The following LPAR4 variants were observed in gnomAD, a reference collection of about 807,000 sequenced individuals.
LPAR4 encodes lysophosphatidic acid receptor 4.
Under a neutral mutation model 9.2 loss-of-function variants are expected in LPAR4, and 14 were observed. That is an observed-to-expected ratio of 1.51 (90% CI 1.00 to 2.37). The LOEUF (loss-of-function observed/expected upper bound fraction) is 2.37. LPAR4 is among the 30% of genes most tolerant of loss of function. The probability of loss-of-function intolerance (pLI) is 0.00; values close to 1 mark genes in which losing one functional copy is unlikely to be tolerated. For missense variants in LPAR4, 251 were observed against 272.1 expected (o/e 0.92, Z 0.55); for synonymous variants, 131 against 97.9 (o/e 1.34, Z -1.99).
At chrX:78,750,477 G>T (rs1460035708) in intron 2 of LPAR4, among the ~76,000 whole-genome samples, 1 of 111,464 alleles carries the variant, frequency 9.0e-6, no homozygotes, top group Admixed American at 9.5e-5. Flanking sequence ...CCATCGCAGA[G>T]TATTTCTGGT....
In LPAR4 at chrX:78,755,378, G is replaced by T; in HGVS notation, c.509G>T (p.Gly170Val). The change falls in exon 5 of 5, where the codon GGT (glycine) becomes GTT (valine). Residue 170 changes from glycine (G) to valine (V), a missense_variant. Transcript: ENST00000614823. ...GTCTGGATCCTAGTCCTCAGTGGCG[G>T]TATTTCAGCCTCTTTGTTTTCCACC... Reference protein sequence around the residue: ...AGVWILVLSGGISASLFSTTN... With the variant: ...AGVWILVLSGVISASLFSTTN... The T allele has an allele frequency of 8.3e-7, 1 of 1,210,600 alleles. No individual in the cohort carries two copies. Among genetic ancestry groups the T allele is most frequent in the Middle Eastern group, 2.3e-4 (1 of 4,350 alleles).
At chrX:78,753,397 T>A (rs976936647) in intron 4 of LPAR4, among the ~76,000 whole-genome samples, 1 of 111,378 alleles carries the variant, frequency 9.0e-6, no homozygotes, top group African/African-American at 3.3e-5. Flanking sequence ...GTCTTTCTGG[T>A]TTTTTAATCA....
intron 1 of LPAR4, among the ~76,000 whole-genome samples, chrX:78,749,787 A>T (rs1201723229): frequency 8.9e-6 from 1 of 111,972 alleles, no homozygotes; most frequent in Non-Finnish European, 1.9e-5. Flanking sequence ...CTTTGAGGAA[A>T]TAAAAAATGT....
At chrX:78,751,871 A>G (rs1370057362) in intron 4 of LPAR4, among the ~76,000 whole-genome samples, 1 of 111,296 alleles carries the variant, frequency 9.0e-6, no homozygotes, top group African/African-American at 3.3e-5. Flanking sequence ...ACTAGGGAAA[A>G]TTCTACTTTA....
Position 78,755,674 on chromosome X carries a change from CTCT to C in LPAR4, c.810_812del (p.Phe270del). The C allele has an allele frequency of 2.5e-6, 3 of 1,209,389 alleles. No homozygotes were observed. Among genetic ancestry groups the C allele is most frequent in the Non-Finnish European group, 2.2e-6 (2 of 893,668 alleles). On this transcript the variant is annotated inframe_deletion, in exon 5 of 5. Transcript: ENST00000614823. ...ATGCTTTGTACCCTACAACTCTGTC[CTCT>C]TCTTGTATGCCCTGGTGCGCTCCCA...
rs764478546 is a variant in LPAR4 at position 78,754,976 on chromosome X, C to A, written c.107C>A (p.Ser36Tyr). ...AATAATACTTGCATTGTTGATGATT[C>A]CTTCAAGTATAATCTCAATGGTGCT... is the stretch of plus-strand genomic sequence containing the variant. ...TANNTCIVDD[S>Y]FKYNLNGAVY... Residue 36 changes from serine to tyrosine, a missense_variant, in exon 5 of 5, where the codon TCC (serine) becomes TAC (tyrosine). Coordinates refer to ENST00000614823, the MANE Select transcript of LPAR4 (RefSeq NM_001278000.3). 2 of 1,207,092 alleles carry A rather than the reference C, an allele frequency of 1.7e-6. No homozygotes were observed. The highest frequency in any genetic ancestry group is 2.2e-5 in the Admixed American group (1 of 45,755).
chrX:78,752,168 C>T (rs965766995), intron 4 of LPAR4, among the ~76,000 whole-genome samples: 5 of 111,266 alleles, frequency 4.5e-5, no homozygotes, highest in Non-Finnish European at 9.5e-5. Flanking sequence ...TTTTAAAAGG[C>T]TATTTCTTGC....
In LPAR4 at chrX:78,754,858, A is replaced by G. The variant is rs755614365; in HGVS notation, c.-12A>G. ...ACCCCTGCAGCCAGCAGGCCTCCTG[A>G]AAAAAAAGTCCATGGGTGACAGAAG... On this transcript the variant is annotated 5_prime_UTR_variant, in exon 5 of 5. Transcript: ENST00000614823. 5 of 1,168,734 alleles carry G rather than the reference A, an allele frequency of 4.3e-6. No homozygotes were observed. In the South Asian group the frequency reaches 8.1e-5, roughly 19 times the overall value.
chrX:78,758,008 C>T lies in LPAR4; in HGVS notation c.*2026C>T, dbSNP rs1298224274. ...ATATGCAGACTTAAAAATACTGAGA[C>T]TTTTAAGTAAAAATCTGTTAGCATA... On this transcript the variant is annotated 3_prime_UTR_variant, in exon 5 of 5. Coordinates refer to ENST00000614823, the MANE Select transcript of LPAR4 (RefSeq NM_001278000.3). Among the ~76,000 whole-genome samples, 1 of 111,678 alleles carries T rather than the reference C, an allele frequency of 9.0e-6. No homozygotes were observed. The highest frequency in any genetic ancestry group is 1.9e-5 in the Non-Finnish European group (1 of 52,967).
intron 3 of LPAR4, 106 bp downstream of exon 3, chrX:78,750,898 A>G (rs1388097109): frequency 5.4e-5 from 6 of 111,454 alleles, no homozygotes; most frequent in African/African-American, 2.0e-4. Flanking sequence ...GTCACTCATT[A>G]TCTTTAAATT....
At chrX:78,754,100 C>T (rs1030157459) in intron 4 of LPAR4, among the ~76,000 whole-genome samples, 1 of 111,739 alleles carries the variant, frequency 8.9e-6, no homozygotes, top group Admixed American at 9.5e-5. Flanking sequence ...TGTTAATTAG[C>T]TTGACATAAT....
chrX:78,752,243 C>G (rs1453949610), intron 4 of LPAR4, among the ~76,000 whole-genome samples: 1 of 111,654 alleles, frequency 9.0e-6, no homozygotes, highest in Non-Finnish European at 1.9e-5. Flanking sequence ...AAACATTTAT[C>G]TATGGTTCCC....
intron 1 of LPAR4, among the ~76,000 whole-genome samples, chrX:78,748,262 GTT>G (rs1197428178): frequency 8.9e-6 from 1 of 112,260 alleles, no homozygotes; most frequent in African/African-American, 3.2e-5. Flanking sequence ...TCAGGCTGCT[GTT>G]TCATGTAAAC....
At position 78,757,204 on chromosome X, in the gene LPAR4, T is replaced by C. The variant is rs1454654342; in HGVS notation, c.*1222T>C. The C allele has an allele frequency of 8.4e-6, 1 of 118,483 alleles. No individual in the cohort carries two copies. The highest frequency in any genetic ancestry group is 1.9e-5 in the Non-Finnish European group (1 of 52,996). The allele number at this position is 118,483 out of a possible 1,213,427, so 9.8% of individuals were successfully genotyped here. ...ACACTTTCATTACTATTTGTTGAGG[T>C]TCTGTAAATGTAAAAATACTATGTC... On this transcript the variant is annotated 3_prime_UTR_variant, in exon 5 of 5. Coordinates refer to ENST00000614823, the MANE Select transcript of LPAR4 (RefSeq NM_001278000.3).
intron 4 of LPAR4, among the ~76,000 whole-genome samples, chrX:78,754,447 G>C (rs867599021): frequency 3.6e-5 from 4 of 111,709 alleles, no homozygotes; most frequent in African/African-American, 1.3e-4. Flanking sequence ...ATAAGTTCAA[G>C]CCGATCATAG....
rs985862442 is a variant in LPAR4 at position 78,757,705 on chromosome X, A to G, written c.*1723A>G. On this transcript the variant is annotated 3_prime_UTR_variant, in exon 5 of 5. Transcript: ENST00000614823. ...TATACACACATACACAGCAGCAGCA[A>G]CAACAAAAACCAAAATTAAATGTTA... is the stretch of plus-strand genomic sequence containing the variant. Among the ~76,000 whole-genome samples the G allele has an allele frequency of 9.0e-6, 1 of 111,673 alleles. No individual in the cohort carries two copies. The highest frequency in any genetic ancestry group is 3.2e-5 in the African/African-American group (1 of 30,843).
At chrX:78,749,153 C>A (rs1179461328) in intron 1 of LPAR4, 2 of 111,903 alleles carry the variant, frequency 1.8e-5, no homozygotes, top group African/African-American at 3.2e-5. Flanking sequence ...CAGAAACATT[C>A]AGGCCAAGCT....
rs958978068 is a variant in LPAR4 at position 78,758,415 on chromosome X, C to G, written c.*2433C>G. On this transcript the variant is annotated 3_prime_UTR_variant, in exon 5 of 5. Transcript: ENST00000614823. The stretch of plus-strand genomic sequence containing the variant: ...ATTATAAAATTTTATGATTATGACA[C>G]CAAACCATTTAATGGGATATTAACT... Among the ~76,000 whole-genome samples, 3 of 111,086 alleles carry G rather than the reference C, an allele frequency of 2.7e-5. No homozygotes were observed. The highest frequency in any genetic ancestry group is 3.8e-5 in the Non-Finnish European group (2 of 52,786).
chrX:78,748,488 A>AAT (rs969095546), intron 1 of LPAR4, among the ~76,000 whole-genome samples: 2 of 112,168 alleles, frequency 1.8e-5, no homozygotes, highest in African/African-American at 6.5e-5. Flanking sequence ...ATAATTCATG[A>AAT]ACTTGCCCAT....
Sources: allele counts gnomAD v4.1 joint callset (sites outside exome capture counted in the v4.1 genomes callset), GRCh38; gene constraint gnomAD v4.1.1; transcripts MANE v1.5; gene names NCBI Gene and HGNC (gene_info 2026-07-23, HGNC 2026-07-21).